Variants in PHACTR3 observed in about 807,000 individuals in gnomAD.
PHACTR3 encodes the protein protein phosphatase 1, regulatory subunit 123.
PHACTR3 carries 16 observed loss-of-function variants against 66.8 expected under a neutral mutation model. The observed-to-expected ratio is 0.24, with a 90% CI of 0.16 to 0.36. The LOEUF (loss-of-function observed/expected upper bound fraction) is 0.36, where lower values mean the gene tolerates loss of function less well. PHACTR3 is among the 10% of genes least tolerant of loss of function. The pLI, the probability that PHACTR3 is intolerant of heterozygous loss-of-function variation, is 1.00. For synonymous variants in PHACTR3, 323 were observed against 292.1 expected, an observed-to-expected ratio of 1.11 and a Z score of -1.08; for missense variants, 647 against 719.9, an observed-to-expected ratio of 0.90 and a Z score of 1.16.
chr20:59,633,631 T>A (rs968066843), intron 1 of PHACTR3, among the ~76,000 whole-genome samples: 10 of 152,214 alleles, frequency 6.6e-5, no homozygotes. Flanking sequence ...TTGTTTTTGT[T>A]TTTAGAAGAA....
At position 59,712,508 on chromosome 20, in the gene PHACTR3, A is replaced by G. The variant is rs557884924; in HGVS notation, c.119-30599A>G. On this transcript the variant is annotated intron_variant, in intron 1 of 12. Coordinates refer to ENST00000371015, the MANE Select transcript of PHACTR3 (RefSeq NM_080672.5). ...TCCCCTCCCAGCCATAACTTTGCAC[A>G]CTCTCGAGAGTTCCAGTGACTGTTG... Among the ~76,000 whole-genome samples the G allele has an allele frequency of 1.1e-4, 16 of 151,992 alleles. No homozygotes were observed. In the South Asian group the frequency reaches 3.3e-3, roughly 32 times the overall value.
At chr20:59,743,069 G>T (rs1455232314) in intron 1 of PHACTR3, 38 bp from the exon 2 acceptor site, 1 of 1,596,798 alleles carries the variant, frequency 6.3e-7, no homozygotes, top group Non-Finnish European at 8.5e-7. Flanking sequence ...CATAGGTTTG[G>T]TGGCCACTTG....
At chr20:59,714,491 A>T (rs2038022197) in intron 1 of PHACTR3, among the ~76,000 whole-genome samples, 1 of 152,202 alleles carries the variant, frequency 6.6e-6, no homozygotes, top group Non-Finnish European at 1.5e-5. Flanking sequence ...TAAATCAGTC[A>T]GTACACTGCG....
intron 1 of PHACTR3, among the ~76,000 whole-genome samples, chr20:59,642,950 C>T (rs1411753660): frequency 1.3e-5 from 2 of 152,216 alleles, no homozygotes; most frequent in East Asian, 1.9e-4. Context: ...CTCACTCTGT[C>T]GCCCAGGCTG....
rs2041433805 is a variant in PHACTR3, at chr20:59,802,224, T to C, written c.1175-3817T>C. ...GGGAGGTGGTGTCTGGAGATGGAAA[T>C]CTCGAGCCAGTAGCAGTTGGTTCTT... On this transcript the variant is annotated intron_variant, in intron 7 of 12. Transcript: ENST00000371015. Among the ~76,000 whole-genome samples the C allele has an allele frequency of 2.0e-5, 3 of 151,964 alleles. No homozygotes were observed. The South Asian group carries it at 6.2e-4, about 32-fold the overall frequency.
chr20:59,721,959 G>T (rs2038317964), intron 1 of PHACTR3, among the ~76,000 whole-genome samples: 1 of 151,898 alleles, frequency 6.6e-6, no homozygotes, highest in African/African-American at 2.4e-5. Flanking sequence ...GCCCAGTCAG[G>T]GTGACTCACG....
At chr20:59,632,935 G>A (rs952205677) in intron 1 of PHACTR3, among the ~76,000 whole-genome samples, 2 of 152,222 alleles carry the variant, frequency 1.3e-5, no homozygotes, top group Non-Finnish European at 2.9e-5. Flanking sequence ...TTTCCCGGGA[G>A]GGTGGTTGCC....
intron 4 of PHACTR3, among the ~76,000 whole-genome samples, chr20:59,760,596 A>G (rs956629482): frequency 6.6e-6 from 1 of 152,166 alleles, no homozygotes; most frequent in African/African-American, 2.4e-5. Flanking sequence ...GCCTTCCGCC[A>G]TGATTGTGAG....
chr20:59,812,195 T>C (rs2041755536), intron 8 of PHACTR3, among the ~76,000 whole-genome samples: 1 of 152,198 alleles, frequency 6.6e-6, no homozygotes, highest in Non-Finnish European at 1.5e-5. Flanking sequence ...GAGAGAGGAA[T>C]AGGGTAGGCA....
chr20:59,776,305 A>C (rs1460618172), intron 7 of PHACTR3, among the ~76,000 whole-genome samples: 1 of 152,214 alleles, frequency 6.6e-6, no homozygotes, highest in African/African-American at 2.4e-5. Flanking sequence ...AAACTGAGGC[A>C]TAGGGAGGCC....
At chr20:59,643,994 G>A (rs1008630402) in intron 1 of PHACTR3, among the ~76,000 whole-genome samples, 1 of 152,270 alleles carries the variant, frequency 6.6e-6, no homozygotes, top group African/African-American at 2.4e-5. Flanking sequence ...GGGCTTAAGC[G>A]GCATCTCCTC....
chr20:59,807,610 C>T (rs551474621), intron 8 of PHACTR3, among the ~76,000 whole-genome samples: 6 of 152,224 alleles, frequency 3.9e-5, no homozygotes, highest in East Asian at 1.9e-4. Flanking sequence ...ATGTACTGCA[C>T]GGTTACACGC....
intron 11 of PHACTR3, among the ~76,000 whole-genome samples, chr20:59,842,737 C>T (rs985943112): frequency 6.6e-6 from 1 of 152,124 alleles, no homozygotes; most frequent in Non-Finnish European, 1.5e-5. Context: ...TACTCATTAT[C>T]TTGGTGTTCC....
chr20:59,687,478 C>T (rs1463485804), intron 1 of PHACTR3, among the ~76,000 whole-genome samples: 2 of 152,156 alleles, frequency 1.3e-5, no homozygotes, highest in Non-Finnish European at 2.9e-5. Context: ...ATTCCAGTAT[C>T]AGTTGAATGC....
At chr20:59,588,467 A>G (rs975488924) in intron 1 of PHACTR3, among the ~76,000 whole-genome samples, 2 of 152,212 alleles carry the variant, frequency 1.3e-5, no homozygotes, top group South Asian at 2.1e-4. Context: ...GGCGGCCCCA[A>G]CACCCTTCCA....
intron 5 of PHACTR3, among the ~76,000 whole-genome samples, chr20:59,768,108 C>T (rs778635660): frequency 5.9e-5 from 9 of 152,240 alleles, no homozygotes; most frequent in Non-Finnish European, 8.8e-5. Flanking sequence ...CCCCCACAGT[C>T]ATACACTTAT....
At chr20:59,622,493 CAGTT>C in intron 1 of PHACTR3, among the ~76,000 whole-genome samples, 1 of 152,266 alleles carries the variant, frequency 6.6e-6, no homozygotes, top group South Asian at 2.1e-4. Context: ...CTGTTCATGT[CAGTT>C]AGTAGAATAG....
chr20:59,800,633 C>G (rs2041384420), intron 7 of PHACTR3, among the ~76,000 whole-genome samples: 1 of 152,204 alleles, frequency 6.6e-6, no homozygotes, highest in African/African-American at 2.4e-5. Flanking sequence ...GGCCCAGACA[C>G]AGTTTTCTTT....
chr20:59,718,667 T>C (rs528019600), intron 1 of PHACTR3, among the ~76,000 whole-genome samples: 173 of 152,368 alleles, frequency 1.1e-3, no homozygotes, highest in African/African-American at 4.0e-3. Flanking sequence ...GGTGACCTGT[T>C]TGAAATTGCC....
Sources: gnomAD v4.1 joint callset for allele counts (sites outside exome capture counted in the v4.1 genomes callset) on GRCh38, gnomAD v4.1.1 for gene constraint, MANE v1.5 for transcripts, NCBI Gene and HGNC (gene_info 2026-07-23, HGNC 2026-07-21) for gene names.